Variants in SHISA6 observed in about 807,000 individuals in gnomAD.
SHISA6 encodes the protein shisa family member 6.
Under a neutral mutation model 47.9 loss-of-function variants are expected in SHISA6, and 22 were observed. The ratio of observed to expected loss-of-function variants is 0.46; its 90% CI spans 0.33 to 0.66. The LOEUF (loss-of-function observed/expected upper bound fraction) is 0.66, where lower values mean the gene tolerates loss of function less well. Ranked by LOEUF, SHISA6 falls within the 30% of genes least tolerant of loss-of-function variation. SHISA6 has a pLI of 0.02. For missense variants in SHISA6, 680 were observed against 764.6 expected, an observed-to-expected ratio of 0.89 and a Z score of 1.30; for synonymous variants, 388 against 337.8, an observed-to-expected ratio of 1.15 and a Z score of -1.63.
intron 2 of SHISA6, chr17:11,289,493 A>G (rs1339177482): frequency 6.6e-6 from 1 of 151,598 alleles, no homozygotes; most frequent in Non-Finnish European, 1.5e-5. Context: ...CTTCCCCAGT[A>G]TGTTCTGTTC....
intron 3 of SHISA6, among the ~76,000 whole-genome samples, chr17:11,474,161 T>C (rs777294970): frequency 4.6e-5 from 7 of 152,172 alleles, no homozygotes; most frequent in Non-Finnish European, 1.0e-4. Context: ...ATGGTTGAAT[T>C]AATTTACACT....
chr17:11,503,418 G>A (rs1055266859), intron 3 of SHISA6, among the ~76,000 whole-genome samples: 13 of 152,134 alleles, frequency 8.5e-5, no homozygotes, highest in African/African-American at 3.1e-4. Context: ...GTGGGGCTGA[G>A]GGTCTGGACA....
At chr17:11,440,627 C>CATCCAATTGGATGATGG (rs1915070083) in intron 3 of SHISA6, among the ~76,000 whole-genome samples, 1 of 147,060 alleles carries the variant, frequency 6.8e-6, no homozygotes, top group East Asian at 2.0e-4. Flanking sequence ...TTGGATGATC[C>CATCCAATTGGATGATGG]ATCATCCAAT....
chr17:11,276,473 T>G (rs932759172), intron 2 of SHISA6, among the ~76,000 whole-genome samples: 3 of 152,208 alleles, frequency 2.0e-5, no homozygotes, highest in Non-Finnish European at 2.9e-5. Context: ...AATGGAATAT[T>G]TGCAAGAATG....
chr17:11,381,037 G>T (rs1912989059), intron 3 of SHISA6, among the ~76,000 whole-genome samples: 1 of 152,158 alleles, frequency 6.6e-6, no homozygotes, highest in Admixed American at 6.5e-5. Context: ...TATTCTGAGT[G>T]GGTGGGAACT....
At chr17:11,321,187 T>C (rs1197862593) in intron 2 of SHISA6, among the ~76,000 whole-genome samples, 1 of 152,228 alleles carries the variant, frequency 6.6e-6, no homozygotes, top group African/African-American at 2.4e-5. Flanking sequence ...GCATCACTTT[T>C]ATAGTTGAGG....
chr17:11,489,653 T>C (rs1291277140), intron 3 of SHISA6, among the ~76,000 whole-genome samples: 1 of 152,170 alleles, frequency 6.6e-6, no homozygotes, highest in Non-Finnish European at 1.5e-5. Context: ...CCAGCATGTT[T>C]CTGTTGAAAC....
chr17:11,251,644 T>C (rs1257163301), intron 1 of SHISA6, among the ~76,000 whole-genome samples: 1 of 152,152 alleles, frequency 6.6e-6, no homozygotes, highest in Non-Finnish European at 1.5e-5. Context: ...ATGTCTAACA[T>C]CTAGCATCGT....
intron 3 of SHISA6, 132 bp downstream of exon 3, chr17:11,379,641 C>T (rs2142245141): frequency 6.7e-6 from 4 of 598,748 alleles, no homozygotes; most frequent in Non-Finnish European, 1.1e-5. Context: ...GGCAGCTTGT[C>T]CTGGTGACAT....
At chr17:11,456,897 G>C (rs1003075180) in intron 3 of SHISA6, among the ~76,000 whole-genome samples, 2 of 152,164 alleles carry the variant, frequency 1.3e-5, no homozygotes, top group Non-Finnish European at 1.5e-5. Flanking sequence ...TCAACTGGGG[G>C]ATGCTTTTCA....
rs901095429 is a variant in SHISA6, at chr17:11,562,292, C to G, written c.*3988C>G. ...TATTCCTTCCACAGGCAACTGTGCA[C>G]TTGACCCAAGGTAAAATGAAAGGGC... On this transcript the variant is annotated 3_prime_UTR_variant, in exon 6 of 6. Coordinates refer to ENST00000441885, the MANE Select transcript of SHISA6 (RefSeq NM_207386.4). 2.6e-5 allele frequency: 4 copies of G among 152,106 alleles called. No individual in the cohort carries two copies. Among genetic ancestry groups the G allele is most frequent in the Non-Finnish European group, 4.4e-5 (3 of 68,032 alleles). 9.4% of individuals were successfully genotyped at this position (152,106 alleles called of 1,614,324 possible). A position where few individuals can be genotyped will look rare whatever the true frequency, so the allele number is the denominator to read the frequency against.
chr17:11,307,710 A>G (rs76205628), intron 2 of SHISA6, among the ~76,000 whole-genome samples: 1 of 152,154 alleles, frequency 6.6e-6, no homozygotes, highest in Admixed American at 6.5e-5. Context: ...CATAAAGTCT[A>G]TGCTCTCATG....
intron 1 of SHISA6, among the ~76,000 whole-genome samples, chr17:11,249,690 A>G (rs1230828213): frequency 2.0e-5 from 3 of 152,234 alleles, no homozygotes; most frequent in African/African-American, 7.2e-5. Context: ...TTGAGAGCCC[A>G]TGGCATGTCA....
chr17:11,488,354 C>A (rs1916401817), intron 3 of SHISA6, among the ~76,000 whole-genome samples: 1 of 151,998 alleles, frequency 6.6e-6, no homozygotes, highest in East Asian at 1.9e-4. Flanking sequence ...AAGCTGAAAC[C>A]CAAAGAGGTG....
At chr17:11,406,170 C>T (rs1186300471) in intron 3 of SHISA6, among the ~76,000 whole-genome samples, 2 of 152,216 alleles carry the variant, frequency 1.3e-5, no homozygotes, top group African/African-American at 4.8e-5. Flanking sequence ...GGTACATTTA[C>T]ACAACCACAT....
intron 3 of SHISA6, among the ~76,000 whole-genome samples, chr17:11,445,079 C>T (rs991241593): frequency 3.3e-5 from 5 of 152,082 alleles, no homozygotes; most frequent in African/African-American, 1.2e-4. Context: ...CTGGATGTGA[C>T]ACTAAAGCAA....
chr17:11,306,459 T>C (rs1421071760), intron 2 of SHISA6, among the ~76,000 whole-genome samples: 4 of 152,162 alleles, frequency 2.6e-5, no homozygotes. Flanking sequence ...AGGTTTCTGA[T>C]TGAGACCCTG....
rs1555542461 is a variant in SHISA6, at chr17:11,526,117, C to CTG, written c.896-25779_896-25778insTG. 9.9e-5 allele frequency among the ~76,000 whole-genome samples: 15 copies of CTG among 152,094 alleles called. No homozygotes were observed. In the East Asian group the frequency reaches 2.7e-3, roughly 27 times the overall value. ...CATGACCCTACCAAGGGGACCCCCC[C>CTG]CCGCTCTCTGCTGATTTGGTGTGGC... is the stretch of plus-strand genomic sequence containing the variant. On this transcript the variant is annotated intron_variant, in intron 3 of 5. Transcript: ENST00000441885.
chr17:11,354,251 G>A (rs73975307), intron 2 of SHISA6, among the ~76,000 whole-genome samples: 4,951 of 152,208 alleles, frequency 0.033, 199 homozygotes, highest in African/African-American at 0.09. Flanking sequence ...ATGCGAATTC[G>A]GATTCAGTAG....
Sources: allele counts gnomAD v4.1 joint callset (sites outside exome capture counted in the v4.1 genomes callset), GRCh38; gene constraint gnomAD v4.1.1; transcripts MANE v1.5; gene names NCBI Gene and HGNC (gene_info 2026-07-23, HGNC 2026-07-21).